BDH1: variants seen among roughly 807,000 people sequenced by gnomAD.
BDH1 encodes D-beta-hydroxybutyrate dehydrogenase, mitochondrial.
In BDH1, 30 loss-of-function variants were observed where a neutral mutation model predicts 33.1. The ratio of observed to expected loss-of-function variants is 0.91; its 90% CI spans 0.68 to 1.23. The LOEUF (loss-of-function observed/expected upper bound fraction) is 1.23. Ranked by LOEUF, BDH1 falls within the 50% of genes most tolerant of loss-of-function variation. The probability of loss-of-function intolerance (pLI) is 0.00; values close to 1 mark genes in which losing one functional copy is unlikely to be tolerated. For synonymous variants in BDH1, 190 were observed against 183.6 expected, an observed-to-expected ratio of 1.03 and a Z score of -0.28; for missense variants, 443 against 464.4, an observed-to-expected ratio of 0.95 and a Z score of 0.42.
intron 3 of BDH1, chr3:197,539,051 T>A (rs970016605): frequency 6.6e-6 from 1 of 152,192 alleles, no homozygotes; most frequent in Admixed American, 6.5e-5. Context: ...GCTTCTAACC[T>A]CCAAGCCGTC....
chr3:197,554,922 C>T lies in BDH1; in HGVS notation c.-195-209G>A, dbSNP rs867170526. 6.6e-6 allele frequency among the ~76,000 whole-genome samples: 1 copy of T among 152,242 alleles called. No individual in the cohort carries two copies. Among genetic ancestry groups the T allele is most frequent in the Non-Finnish European group, 1.5e-5 (1 of 68,034 alleles). On this transcript the variant is annotated intron_variant, in intron 1 of 7. Transcript: ENST00000392379. The surrounding 1 kb of genome is among the most constrained non-coding windows in gnomAD (Gnocchi z 4.4). ...CAGAGCGCGAGAACGCCCGAGACGG[C>T]GGCGCAGCCAATCCCAGAGCAGCGC...
chr3:197,553,032 C>G, intron 2 of BDH1, among the ~76,000 whole-genome samples: 1 of 152,096 alleles, frequency 6.6e-6, no homozygotes, highest in South Asian at 2.1e-4. Context: ...ATCCTCCTGC[C>G]TCAGCCTCCC....
chr3:197,514,442 A>C lies in BDH1; in HGVS notation c.410-26T>G. 1 of 1,561,078 alleles carries C rather than the reference A, an allele frequency of 6.4e-7. No individual in the cohort carries two copies. The highest frequency in any genetic ancestry group is 8.7e-7 in the Non-Finnish European group (1 of 1,149,984). ...CTGGACAGGAGAGGGATAGATGTGC[A>C]TTTACCACATGGGCTTGGCCCAGAC... is the stretch of plus-strand genomic sequence containing the variant. On this transcript the variant is annotated intron_variant, in intron 6 of 7. Coordinates refer to ENST00000392379, the MANE Select transcript of BDH1 (RefSeq NM_203314.3). This position sits in a 1 kb window ranked among gnomAD's most constrained non-coding sequence, Gnocchi z 4.2.
intron 4 of BDH1, among the ~76,000 whole-genome samples, chr3:197,533,240 T>TCC (rs1560322336): frequency 6.0e-5 from 9 of 151,042 alleles, no homozygotes; most frequent in African/African-American, 2.2e-4. Context: ...GCCCCCCACC[T>TCC]AGGCCTCCAG....
intron 1 of BDH1, among the ~76,000 whole-genome samples, chr3:197,564,491 G>A (rs1717369680): frequency 6.6e-6 from 1 of 152,072 alleles, no homozygotes; most frequent in African/African-American, 2.4e-5. Flanking sequence ...ACTCCTGGGT[G>A]TAAAAAAGAT....
rs1179997938 is a variant in BDH1 at position 197,514,701 on chromosome 3, G to C, written c.410-285C>G. Among the ~76,000 whole-genome samples the C allele has an allele frequency of 2.0e-5, 3 of 152,056 alleles. No individual in the cohort carries two copies. Among genetic ancestry groups the C allele is most frequent in the Non-Finnish European group, 4.4e-5 (3 of 68,012 alleles). On this transcript the variant is annotated intron_variant, in intron 6 of 7. Transcript: ENST00000392379. This position sits in a 1 kb window ranked among gnomAD's most constrained non-coding sequence, Gnocchi z 4.2. ...ATGACCCAGCCTGCCGTGTCCCCCG[G>C]CCTTCAGTCTCACCTCACCTCAAAT...
chr3:197,540,381 AG>A (rs1443582040), intron 3 of BDH1, among the ~76,000 whole-genome samples: 7 of 147,004 alleles, frequency 4.8e-5, no homozygotes, highest in Admixed American at 2.1e-4. Flanking sequence ...AGTAACAAAA[AG>A]GTTGTGGCCG....
rs1021490761 is a variant in BDH1 at position 197,515,330 on chromosome 3, C to A, written c.410-914G>T. The A allele has an allele frequency of 7.1e-6, 7 of 985,466 alleles. No individual in the cohort carries two copies. The African/African-American group carries it at 1.2e-4, about 17-fold the overall frequency. The allele number at this position is 985,466 out of a possible 1,614,324, so 61.0% of individuals were successfully genotyped here. ...ACTCCCACTCTCCACCAAAGCCTTG[C>A]GGGTGTCTCCCTGCTCTAGGTCTCA... is the stretch of plus-strand genomic sequence containing the variant. On this transcript the variant is annotated intron_variant, in intron 6 of 7. Transcript: ENST00000392379.
At chr3:197,561,504 T>G (rs529681543) in intron 1 of BDH1, among the ~76,000 whole-genome samples, 2 of 152,304 alleles carry the variant, frequency 1.3e-5, no homozygotes, top group African/African-American at 4.8e-5. Flanking sequence ...CAAAAAGCAG[T>G]CTTCAGCCTG....
chr3:197,522,506 G>T lies in BDH1; in HGVS notation c.409+134C>A. On this transcript the variant is annotated intron_variant, in intron 6 of 7. Coordinates refer to ENST00000392379, the MANE Select transcript of BDH1 (RefSeq NM_203314.3). The surrounding 1 kb of genome is among the most constrained non-coding windows in gnomAD (Gnocchi z 4.8). ...TTAGTGTAATCCTCTTCCTCCTACT[G>T]TGCAGGAGGAAGAGCCTAAACAATA... 9.0e-7 allele frequency: 1 copy of T among 1,113,848 alleles called. No individual in the cohort carries two copies. The highest frequency in any genetic ancestry group is 1.3e-6 in the Non-Finnish European group (1 of 770,624). The allele number at this position is 1,113,848 out of a possible 1,614,324, so 69.0% of individuals were successfully genotyped here.
intron 5 of BDH1, among the ~76,000 whole-genome samples, chr3:197,531,268 TGCCTGTAGTCCCA>T (rs1475212331): frequency 6.6e-6 from 1 of 151,722 alleles, no homozygotes; most frequent in Admixed American, 6.6e-5. Flanking sequence ...TGGTGGCTCA[TGCCTGTAGTCCCA>T]GCTACTCGGG....
intron 1 of BDH1, among the ~76,000 whole-genome samples, chr3:197,567,696 CCTGT>C (rs1717479842): frequency 6.6e-6 from 1 of 152,054 alleles, no homozygotes; most frequent in South Asian, 2.1e-4. Context: ...AACTGAGAGA[CCTGT>C]CTGAGATTTT....
intron 2 of BDH1, among the ~76,000 whole-genome samples, chr3:197,547,982 A>T (rs77655760): frequency 6.6e-6 from 1 of 152,174 alleles, no homozygotes; most frequent in African/African-American, 2.4e-5. Context: ...TATTTACTTT[A>T]TCTTCTACTA....
intron 3 of BDH1, chr3:197,543,297 C>T (rs1291036290): frequency 1.6e-5 from 8 of 496,698 alleles, no homozygotes; most frequent in Non-Finnish European, 1.6e-5. Flanking sequence ...GATGTGGCAG[C>T]CAAAAGAAGC....
At position 197,533,499 on chromosome 3, in the gene BDH1, G is replaced by T. The variant is rs200027383; in HGVS notation, c.146C>A (p.Ala49Glu). Reference protein sequence around the residue: ...IPIGRRTYASAAEPVGSKAVL... With the variant: ...IPIGRRTYASEAEPVGSKAVL... ...TGGGCTTCCACTCACCGGCTCCGCC[G>T]CACTGGCATAAGTCCGACGGCCAAT... The change falls in exon 4 of 8, where the codon GCG (alanine) becomes GAG (glutamate). Residue 49 changes from alanine to glutamate, a missense_variant. Transcript: ENST00000392379. 6.2e-7 allele frequency: 1 copy of T among 1,614,210 alleles called. No individual in the cohort carries two copies. The highest frequency in any genetic ancestry group is 1.1e-5 in the South Asian group (1 of 91,088).
Position 197,511,968 on chromosome 3 carries a change from T to C in BDH1, c.959A>G (p.Tyr320Cys). 6.2e-7 allele frequency: 1 copy of C among 1,608,082 alleles called. No homozygotes were observed. The highest frequency in any genetic ancestry group is 8.5e-7 in the Non-Finnish European group (1 of 1,176,572). Residue 320 changes from tyrosine to cysteine, a missense_variant, in exon 8 of 8, where the codon TAC (tyrosine) becomes TGC (cysteine). Transcript: ENST00000392379. ...GATCTGCATTCGCAGCCACCAGTAGTAGTCCATGGGGTGGTAGCGGGTGTA... is the reference window on the plus strand; with the variant it reads ...GATCTGCATTCGCAGCCACCAGTAGCAGTCCATGGGGTGGTAGCGGGTGTA... ...TPYTRYHPMD[Y>C]YWWLRMQIMT...
intron 6 of BDH1, among the ~76,000 whole-genome samples, chr3:197,519,561 G>A (rs1183401169): frequency 6.6e-6 from 1 of 151,994 alleles, no homozygotes; most frequent in African/African-American, 2.4e-5. Context: ...CTCCTCGGGA[G>A]GCTGAGACAG....
Position 197,533,486 on chromosome 3 carries a change from C to T in BDH1, c.156+3G>A, listed in dbSNP as rs1560322598. ...GCTCCCGGGTAGCTGGGCTTCCACT[C>T]ACCGGCTCCGCCGCACTGGCATAAG... On this transcript the variant is annotated splice_donor_region_variant and intron_variant, in intron 4 of 7. Coordinates refer to ENST00000392379, the MANE Select transcript of BDH1 (RefSeq NM_203314.3). 2.5e-6 allele frequency: 4 copies of T among 1,614,220 alleles called. No homozygotes were observed. Among genetic ancestry groups the T allele is most frequent in the Middle Eastern group, 1.6e-4 (1 of 6,062 alleles).
At chr3:197,548,780 G>A (rs1716303535) in intron 2 of BDH1, among the ~76,000 whole-genome samples, 2 of 152,180 alleles carry the variant, frequency 1.3e-5, no homozygotes, top group Admixed American at 1.3e-4. Flanking sequence ...GAACCCAGGA[G>A]GCGGAGGTTG....
Sources: allele counts gnomAD v4.1 joint callset (sites outside exome capture counted in the v4.1 genomes callset), GRCh38; gene constraint gnomAD v4.1.1; non-coding constraint Gnocchi (gnomAD v3.1); transcripts MANE v1.5; gene names NCBI Gene and HGNC (gene_info 2026-07-23, HGNC 2026-07-21).